ASH1L: variants seen among roughly 807,000 people sequenced by gnomAD.
ASH1L encodes the protein ASH1 like histone lysine methyltransferase, also known as histone-lysine N-methyltransferase ASH1L.
ASH1L carries 23 observed loss-of-function variants against 269.0 expected under a neutral mutation model. The observed-to-expected ratio is 0.09, with a 90% CI of 0.06 to 0.12. The LOEUF (loss-of-function observed/expected upper bound fraction) is 0.12, where lower values mean the gene tolerates loss of function less well. Ranked by LOEUF, ASH1L falls within the 10% of genes least tolerant of loss-of-function variation. ASH1L has a pLI of 1.00. For missense variants in ASH1L, 2,912 were observed against 3,567.8 expected (o/e 0.82, Z 4.68); for synonymous variants, 1,187 against 1,253.5 (o/e 0.95, Z 1.12).
At chr1:155,498,144 A>G (rs1002794106) in intron 2 of ASH1L, among the ~76,000 whole-genome samples, 1 of 152,194 alleles carries the variant, frequency 6.6e-6, no homozygotes, top group African/African-American at 2.4e-5. Flanking sequence ...CAAATATTGC[A>G]TGATTCCACT....
In ASH1L at chr1:155,425,456, T is replaced by G. The variant is rs1236727023; in HGVS notation, c.5829-9533A>C. Among the ~76,000 whole-genome samples, 132 of 151,486 alleles carry G rather than the reference T, an allele frequency of 8.7e-4. 1 individual carries two copies. Among genetic ancestry groups the G allele is most frequent in the Admixed American group, 8.6e-3 (131 of 15,172 alleles). On this transcript the variant is annotated intron_variant, in intron 5 of 27. Coordinates refer to ENST00000392403, the MANE Select transcript of ASH1L (RefSeq NM_018489.3). The stretch of plus-strand genomic sequence containing the variant: ...CATGCAGGGCTATTTTTTTTTTTTT[T>G]GAGGTGGAGTCTCGCTCTGTTGCCC...
chr1:155,418,760 T>C (rs1387314555), intron 5 of ASH1L, among the ~76,000 whole-genome samples: 1 of 152,102 alleles, frequency 6.6e-6, no homozygotes, highest in Non-Finnish European at 1.5e-5. Context: ...TAAAAACTAC[T>C]GATGAAGAAA....
intron 1 of ASH1L, among the ~76,000 whole-genome samples, chr1:155,540,439 G>T (rs1361848193): frequency 6.6e-6 from 1 of 152,088 alleles, no homozygotes; most frequent in Non-Finnish European, 1.5e-5. Flanking sequence ...CCACACTGTT[G>T]TGAGCAGAGC....
chr1:155,380,822 T>A (rs1656876388), intron 7 of ASH1L, among the ~76,000 whole-genome samples: 1 of 150,082 alleles, frequency 6.7e-6, no homozygotes, highest in Non-Finnish European at 1.5e-5. Flanking sequence ...TTTTTTTTAG[T>A]AGAGACAGGG....
At chr1:155,415,349 T>C (rs1426435980) in intron 6 of ASH1L, among the ~76,000 whole-genome samples, 1 of 137,066 alleles carries the variant, frequency 7.3e-6, no homozygotes, top group Non-Finnish European at 1.5e-5. Context: ...ACCACTGCAC[T>C]CCAGCCTGGG....
chr1:155,411,586 AATATATATATATATAT>A lies in ASH1L; in HGVS notation c.6008+4142_6008+4157del, dbSNP rs368800129. On this transcript the variant is annotated intron_variant, in intron 6 of 27. Transcript: ENST00000392403. ...AAATATGAATATAAATAAATAAATA[AATATATATATATATAT>A]ATATATATATATATATGTTTTCATC... 1.6e-4 allele frequency among the ~76,000 whole-genome samples: 9 copies of A among 55,188 alleles called. No individual in the cohort carries two copies. In the East Asian group the frequency reaches 4.1e-3, roughly 25 times the overall value. The allele number at this position is 55,188 out of a possible 152,430, so 36.2% of individuals were successfully genotyped here.
intron 4 of ASH1L, among the ~76,000 whole-genome samples, chr1:155,444,149 A>G (rs548434576): frequency 1.5e-3 from 235 of 151,836 alleles, no homozygotes; most frequent in Non-Finnish European, 2.4e-3. Context: ...ATGCCTGGCT[A>G]ATTTTTGTTT....
chr1:155,468,066 CCTT>C (rs1664822348), intron 3 of ASH1L, among the ~76,000 whole-genome samples: 1 of 151,988 alleles, frequency 6.6e-6, no homozygotes, highest in African/African-American at 2.4e-5. Context: ...CCACTCATGT[CCTT>C]TTTTCACTGT....
intron 12 of ASH1L, among the ~76,000 whole-genome samples, chr1:155,362,698 T>C (rs1412307988): frequency 1.3e-5 from 2 of 152,056 alleles, no homozygotes. Context: ...AACAATCCTA[T>C]AGAAAAAACC....
At position 155,376,671 on chromosome 1, in the gene ASH1L, CTG is replaced by C. The variant is rs761096211; in HGVS notation, c.6332+1608_6332+1609del. Among the ~76,000 whole-genome samples, 17 of 150,482 alleles carry C rather than the reference CTG, an allele frequency of 1.1e-4. No individual in the cohort carries two copies. In the South Asian group the frequency reaches 3.6e-3, roughly 32 times the overall value. ...TCCAGCCTGGCGACAGAGCGCGACT[CTG>C]TCTCAAAAAAATAAATTAAAAAAAT... On this transcript the variant is annotated intron_variant, in intron 10 of 27. Coordinates refer to ENST00000392403, the MANE Select transcript of ASH1L (RefSeq NM_018489.3).
intron 1 of ASH1L, among the ~76,000 whole-genome samples, chr1:155,558,447 GACA>G (rs769078949): frequency 3.9e-5 from 6 of 151,980 alleles, no homozygotes; most frequent in South Asian, 4.1e-4. Context: ...CTCTAGGCTG[GACA>G]ACAAGAGCGA....
chr1:155,374,897 C>T (rs1656296564), intron 10 of ASH1L, among the ~76,000 whole-genome samples: 3 of 152,128 alleles, frequency 2.0e-5, no homozygotes, highest in Admixed American at 2.0e-4. Context: ...CTTACTGTAG[C>T]CTCAACCTCC....
Position 155,433,680 on chromosome 1 carries a change from T to A in ASH1L, c.5828+4647A>T, listed in dbSNP as rs751544382. Reference sequence around the variant, plus strand: ...ACCCTGGGATATACACAGGCCGATGTGGGGCTCACCCTGGGGGTTCTATTT... The same window carrying A: ...ACCCTGGGATATACACAGGCCGATGAGGGGCTCACCCTGGGGGTTCTATTT... On this transcript the variant is annotated intron_variant, in intron 5 of 27. Coordinates refer to ENST00000392403, the MANE Select transcript of ASH1L (RefSeq NM_018489.3). The A allele has an allele frequency of 2.5e-6, 4 of 1,600,688 alleles. No homozygotes were observed. In the African/African-American group the frequency reaches 5.4e-5, roughly 21 times the overall value.
chr1:155,433,577 C>T, intron 5 of ASH1L: 2 of 1,610,858 alleles, frequency 1.2e-6, no homozygotes, highest in Non-Finnish European at 1.7e-6. Flanking sequence ...GGAGCAAAAC[C>T]CGCAGGAGTC....
At chr1:155,554,516 C>T (rs1397449785) in intron 1 of ASH1L, among the ~76,000 whole-genome samples, 1 of 152,192 alleles carries the variant, frequency 6.6e-6, no homozygotes, top group Non-Finnish European at 1.5e-5. Flanking sequence ...AGGTGATCCA[C>T]CCGCCTCGTC....
intron 1 of ASH1L, among the ~76,000 whole-genome samples, chr1:155,556,931 C>T (rs1558223992): frequency 6.6e-6 from 1 of 152,084 alleles, no homozygotes; most frequent in Admixed American, 6.6e-5. Context: ...ATCCCAGTTA[C>T]TTGGGACAAT....
intron 1 of ASH1L, among the ~76,000 whole-genome samples, chr1:155,546,639 T>C (rs951222362): frequency 2.6e-5 from 4 of 151,464 alleles, no homozygotes; most frequent in African/African-American, 9.7e-5. Context: ...ATGCCTGTAG[T>C]CCCAGCTACT....
At chr1:155,433,600 A>C in intron 5 of ASH1L, 3 of 1,610,290 alleles carry the variant, frequency 1.9e-6, no homozygotes, top group Non-Finnish European at 2.5e-6. Flanking sequence ...AGAACATCAA[A>C]GCTCTGCAGA....
chr1:155,484,464 G>A (rs1273697728), intron 2 of ASH1L, among the ~76,000 whole-genome samples: 6 of 151,936 alleles, frequency 3.9e-5, no homozygotes. Context: ...CTCTAGCCTG[G>A]GCGAAAGAGC....
Sources: allele counts gnomAD v4.1 joint callset (sites outside exome capture counted in the v4.1 genomes callset), GRCh38; gene constraint gnomAD v4.1.1; transcripts MANE v1.5; gene names NCBI Gene and HGNC (gene_info 2026-07-23, HGNC 2026-07-21).